The following FTO variants were observed in gnomAD, a reference collection of about 807,000 sequenced individuals.
The protein encoded by FTO is FTO alpha-ketoglutarate dependent dioxygenase.
FTO carries 47 observed loss-of-function variants against 63.9 expected under a neutral mutation model. That is an observed-to-expected ratio of 0.74 (90% CI 0.58 to 0.94). The LOEUF (loss-of-function observed/expected upper bound fraction) is 0.94. Among genes scored for constraint, FTO ranks in the 40% least tolerant of loss-of-function variants. FTO has a pLI of 0.00. For missense variants in FTO, 562 were observed against 618.1 expected, an observed-to-expected ratio of 0.91 and a Z score of 0.96; for synonymous variants, 207 against 224.4, an observed-to-expected ratio of 0.92 and a Z score of 0.69.
At chr16:53,726,016 AC>A (rs1237700010) in intron 1 of FTO, among the ~76,000 whole-genome samples, 2 of 152,012 alleles carry the variant, frequency 1.3e-5, no homozygotes, top group Admixed American at 1.3e-4. Context: ...TAAAGAAGAA[AC>A]CTCTTTACAG....
At chr16:53,831,887 A>C (rs1311068433) in intron 3 of FTO, among the ~76,000 whole-genome samples, 3 of 152,198 alleles carry the variant, frequency 2.0e-5, no homozygotes, top group Non-Finnish European at 4.4e-5. Flanking sequence ...ACAAAGGGAC[A>C]AGTAAATGGG....
At chr16:53,722,273 G>A (rs921131253) in intron 1 of FTO, among the ~76,000 whole-genome samples, 5 of 152,154 alleles carry the variant, frequency 3.3e-5, no homozygotes, top group Admixed American at 2.6e-4. Context: ...ATACATAGTA[G>A]TGTTTTATAC....
chr16:53,779,755 CTT>C (rs2077543841), intron 1 of FTO, among the ~76,000 whole-genome samples: 1 of 152,078 alleles, frequency 6.6e-6, no homozygotes, highest in Non-Finnish European at 1.5e-5. Context: ...TCTCAAACCT[CTT>C]ATTAATTAAT....
At chr16:53,839,090 T>A (rs928234636) in intron 3 of FTO, among the ~76,000 whole-genome samples, 1 of 152,234 alleles carries the variant, frequency 6.6e-6, no homozygotes, top group Admixed American at 6.5e-5. Flanking sequence ...AATAGAATTT[T>A]TTCTCAAAAA....
At chr16:53,983,809 A>G (rs1203295186) in intron 8 of FTO, among the ~76,000 whole-genome samples, 2 of 152,212 alleles carry the variant, frequency 1.3e-5, no homozygotes, top group African/African-American at 4.8e-5. Context: ...ATATGGGCCC[A>G]CTGTTGTGTA....
At chr16:53,708,957 T>G (rs1420563164) in intron 1 of FTO, among the ~76,000 whole-genome samples, 1 of 152,254 alleles carries the variant, frequency 6.6e-6, no homozygotes, top group African/African-American at 2.4e-5. Context: ...AAACATTATC[T>G]TCCATTCATC....
At chr16:53,723,421 T>A (rs1212995640) in intron 1 of FTO, among the ~76,000 whole-genome samples, 1 of 152,150 alleles carries the variant, frequency 6.6e-6, no homozygotes, top group Non-Finnish European at 1.5e-5. Flanking sequence ...CAGTGTACAA[T>A]GAATATGGTA....
chr16:53,995,567 C>T (rs1218414571), intron 8 of FTO, among the ~76,000 whole-genome samples: 1 of 152,194 alleles, frequency 6.6e-6, no homozygotes, highest in African/African-American at 2.4e-5. Context: ...CAGTGTTATG[C>T]TGGCAGGCAT....
At chr16:53,934,728 A>G (rs563339184) in intron 8 of FTO, among the ~76,000 whole-genome samples, 14 of 152,244 alleles carry the variant, frequency 9.2e-5, no homozygotes, top group Non-Finnish European at 1.8e-4. Context: ...GTATTAGTGT[A>G]TCTAAGCATA....
chr16:54,058,367 C>G (rs1006671771), intron 8 of FTO, among the ~76,000 whole-genome samples: 48 of 152,152 alleles, frequency 3.2e-4, no homozygotes, highest in Non-Finnish European at 6.6e-4. Context: ...AGGTGATTCA[C>G]CCACCTCAGC....
chr16:53,937,921 C>T (rs746743447), intron 8 of FTO: 3 of 152,096 alleles, frequency 2.0e-5, no homozygotes, highest in African/African-American at 7.2e-5. Context: ...AAAGCCCTGG[C>T]GTCTTTCCTA....
intron 1 of FTO, among the ~76,000 whole-genome samples, chr16:53,715,184 TC>T (rs910206498): frequency 1.3e-5 from 2 of 152,182 alleles, no homozygotes; most frequent in East Asian, 3.8e-4. Context: ...GGTTGGCTTT[TC>T]CCTTGCAACA....
chr16:54,055,223 G>C (rs1316868770), intron 8 of FTO, among the ~76,000 whole-genome samples: 1 of 152,200 alleles, frequency 6.6e-6, no homozygotes, highest in East Asian at 1.9e-4. Flanking sequence ...GTTTGGAGTA[G>C]AGAAGTATCT....
At chr16:53,805,353 T>C (rs2151724543) in intron 1 of FTO, among the ~76,000 whole-genome samples, 1 of 152,152 alleles carries the variant, frequency 6.6e-6, no homozygotes, top group South Asian at 2.1e-4. Flanking sequence ...CAAGCTCAGA[T>C]ACAGCTTAAC....
intron 8 of FTO, among the ~76,000 whole-genome samples, chr16:53,959,918 G>C (rs1301973432): frequency 1.3e-5 from 2 of 152,136 alleles, no homozygotes; most frequent in Non-Finnish European, 2.9e-5. Flanking sequence ...TGCAAAGTGT[G>C]ATAGAGAGTG....
Position 54,105,813 on chromosome 16 carries a change from GTA to G in FTO, c.1365-5947_1365-5946del, listed in dbSNP as rs1408761629. Among the ~76,000 whole-genome samples, 204 of 91,258 alleles carry G rather than the reference GTA, an allele frequency of 2.2e-3. No homozygotes were observed. In the East Asian group the frequency reaches 0.026, roughly 12 times the overall value. 59.9% of individuals were successfully genotyped at this position (91,258 alleles called of 152,430 possible). On this transcript the variant is annotated intron_variant, in intron 8 of 8. Transcript: ENST00000471389. ...TGTGTGTGTGTGTGTGTGTGTGTGT[GTA>G]TGTTACATTTGCTTATTCTGATGAA...
intron 8 of FTO, among the ~76,000 whole-genome samples, chr16:53,948,837 A>G (rs7197239): frequency 0.079 from 11,986 of 152,174 alleles, 1,234 homozygotes; most frequent in African/African-American, 0.24. Flanking sequence ...ATCTTCTCAC[A>G]CTTCTCAAGA....
intron 1 of FTO, among the ~76,000 whole-genome samples, chr16:53,774,101 G>A (rs963471810): frequency 6.6e-6 from 1 of 152,174 alleles, no homozygotes; most frequent in Non-Finnish European, 1.5e-5. Flanking sequence ...TTTAGAATGT[G>A]GTCAGAATTA....
At chr16:54,108,178 G>T (rs17236863) in intron 8 of FTO, among the ~76,000 whole-genome samples, 34,489 of 152,124 alleles carry the variant, frequency 0.23, 4,905 homozygotes, top group Middle Eastern at 0.39. Flanking sequence ...CACACATTTC[G>T]TAAGACAATT....
Sources: gnomAD v4.1 joint callset for allele counts (sites outside exome capture counted in the v4.1 genomes callset) on GRCh38, gnomAD v4.1.1 for gene constraint, MANE v1.5 for transcripts, NCBI Gene and HGNC (gene_info 2026-07-23, HGNC 2026-07-21) for gene names.